GPC1: variants seen among roughly 807,000 people sequenced by gnomAD.
The protein encoded by GPC1 is glypican-1.
In GPC1, 26 loss-of-function variants were observed where a neutral mutation model predicts 51.5. The observed-to-expected ratio is 0.50, with a 90% CI of 0.37 to 0.70. The LOEUF (loss-of-function observed/expected upper bound fraction) is 0.70, where lower values mean the gene tolerates loss of function less well. Among genes scored for constraint, GPC1 ranks in the 30% least tolerant of loss-of-function variants. The probability of loss-of-function intolerance (pLI) is 0.00; values close to 1 mark genes in which losing one functional copy is unlikely to be tolerated. For missense variants in GPC1, 775 were observed against 800.5 expected, an observed-to-expected ratio of 0.97 and a Z score of 0.38; for synonymous variants, 380 against 348.3, an observed-to-expected ratio of 1.09 and a Z score of -1.01.
rs2074195663 is a variant in GPC1, at chr2:240,459,142, C to T, written c.279C>T (p.Ser93=). 1 of 1,612,548 alleles carries T rather than the reference C, an allele frequency of 6.2e-7. No individual in the cohort carries two copies. Among genetic ancestry groups the T allele is most frequent in the Non-Finnish European group, 8.5e-7 (1 of 1,179,836 alleles). The part of the protein sequence containing the change: ...AELETALRDS[S]RVLQAMLATQ... ...TGGAGACCGCGCTCCGGGACAGCAGCCGCGTCCTGCAGGCCATGCTTGCCA... is the reference window on the plus strand; with the variant it reads ...TGGAGACCGCGCTCCGGGACAGCAGTCGCGTCCTGCAGGCCATGCTTGCCA... Residue 93 remains serine (S), a synonymous_variant, in exon 2 of 9, where the codon AGC becomes AGT. Transcript: ENST00000264039.
chr2:240,440,789 GCCTCCCTGCCTCCGGTCTTGC>G (rs2074012502), intron 1 of GPC1, among the ~76,000 whole-genome samples: 4 of 151,828 alleles, frequency 2.6e-5, no homozygotes, highest in African/African-American at 9.7e-5. Flanking sequence ...GCTCCTCCTG[GCCTCCCTGCCTCCGGTCTTGC>G]CCAGCTCCTC....
At chr2:240,442,053 T>C (rs1332577916) in intron 1 of GPC1, among the ~76,000 whole-genome samples, 2 of 152,170 alleles carry the variant, frequency 1.3e-5, no homozygotes, top group African/African-American at 4.8e-5. Flanking sequence ...TCCCCTCTCC[T>C]GCCTGTGGCC....
intron 1 of GPC1, chr2:240,452,894 C>T (rs1345306493): frequency 3.9e-6 from 1 of 253,448 alleles, no homozygotes; most frequent in Non-Finnish European, 7.9e-6. Flanking sequence ...CCGCCCTCGT[C>T]CCCCGCTGGC....
chr2:240,455,844 G>T (rs1205841345), intron 1 of GPC1, among the ~76,000 whole-genome samples: 1 of 152,196 alleles, frequency 6.6e-6, no homozygotes, highest in African/African-American at 2.4e-5. Flanking sequence ...GCCTGCGCCG[G>T]GCCGGAGCTC....
chr2:240,463,202 G>A, intron 3 of GPC1, 145 bp from the exon 4 acceptor site: 1 of 652,088 alleles, frequency 1.5e-6, no homozygotes, highest in Non-Finnish European at 2.6e-6. Flanking sequence ...TGCGAGTCAG[G>A]CAGCGACCAC....
chr2:240,457,909 GC>G (rs1041491786), intron 1 of GPC1: 20 of 309,602 alleles, frequency 6.5e-5, no homozygotes, highest in South Asian at 2.8e-4. Flanking sequence ...TGCTGACAAC[GC>G]CCCCCCTTGA....
intron 1 of GPC1, chr2:240,458,128 G>A: frequency 2.2e-6 from 1 of 459,518 alleles, no homozygotes; most frequent in South Asian, 1.6e-5. Flanking sequence ...GTAAGCCCCG[G>A]TTTTCTGGTT....
At chr2:240,453,659 C>T (rs1346935567) in intron 1 of GPC1, among the ~76,000 whole-genome samples, 2 of 150,080 alleles carry the variant, frequency 1.3e-5, no homozygotes, top group African/African-American at 2.4e-5. Flanking sequence ...CGCCCCCTTC[C>T]CTCCCCGCCG....
chr2:240,455,329 C>G (rs1024319729), intron 1 of GPC1, among the ~76,000 whole-genome samples: 2 of 152,204 alleles, frequency 1.3e-5, no homozygotes, highest in African/African-American at 4.8e-5. Flanking sequence ...GGGTCGGCTA[C>G]AGCAACTTCA....
At position 240,448,691 on chromosome 2, in the gene GPC1, G is replaced by A. The variant is rs968769194; in HGVS notation, c.167-10339G>A. Among the ~76,000 whole-genome samples, 2 of 151,934 alleles carry A rather than the reference G, an allele frequency of 1.3e-5. No homozygotes were observed. The highest frequency in any genetic ancestry group is 2.9e-5 in the Non-Finnish European group (2 of 67,976). ...GGACCACCTGCTCAGAGTCTCCCTG[G>A]GCTGGGAGCCCTGGGCGTTCTCGGT... On this transcript the variant is annotated intron_variant, in intron 1 of 8. Coordinates refer to ENST00000264039, the MANE Select transcript of GPC1 (RefSeq NM_002081.3). The surrounding 1 kb of genome is among the most constrained non-coding windows in gnomAD (Gnocchi z 4.5).
chr2:240,457,574 G>A, intron 1 of GPC1: 1 of 434,110 alleles, frequency 2.3e-6, no homozygotes, highest in South Asian at 1.6e-5. Flanking sequence ...AGCGGGTAGG[G>A]CACTGCCTGC....
chr2:240,465,421 C>A, intron 7 of GPC1, 52 bp from the exon 8 acceptor site: 2 of 1,544,196 alleles, frequency 1.3e-6, no homozygotes. Context: ...CAGGTGATGG[C>A]CCTTTGCAGG....
chr2:240,462,417 G>T lies in GPC1; in HGVS notation c.552G>T (p.Leu184=). ...AGCAGCTGCACCCCCAGCTGCTGCT[G>T]CCTGATGACTACCTGGACTGCCTGG... ...LFKQLHPQLL[L]PDDYLDCLGK... Residue 184 remains leucine (L), a synonymous_variant, in exon 3 of 9, where the codon CTG becomes CTT. Coordinates refer to ENST00000264039, the MANE Select transcript of GPC1 (RefSeq NM_002081.3). 2 of 1,603,990 alleles carry T rather than the reference G, an allele frequency of 1.2e-6. No homozygotes were observed. The highest frequency in any genetic ancestry group is 1.7e-6 in the Non-Finnish European group (2 of 1,175,786).
intron 4 of GPC1, chr2:240,463,940 C>T (rs530227318): frequency 4.3e-6 from 1 of 232,706 alleles, no homozygotes; most frequent in African/African-American, 2.3e-5. Context: ...AGCGTGTGCT[C>T]CTGGGCGCAT....
chr2:240,454,322 GA>G (rs1021051747), intron 1 of GPC1, among the ~76,000 whole-genome samples: 3 of 152,192 alleles, frequency 2.0e-5, no homozygotes, highest in Non-Finnish European at 4.4e-5. Flanking sequence ...TGGTCCCCAG[GA>G]AACCCCCTGG....
intron 1 of GPC1, among the ~76,000 whole-genome samples, chr2:240,455,501 C>T (rs569602215): frequency 2.6e-5 from 4 of 152,276 alleles, no homozygotes; most frequent in Middle Eastern, 3.4e-3. Context: ...GGACTCACCC[C>T]CTAGGTTGGA....
At chr2:240,456,248 C>T (rs1016263043) in intron 1 of GPC1, among the ~76,000 whole-genome samples, 12 of 152,096 alleles carry the variant, frequency 7.9e-5, no homozygotes, top group Non-Finnish European at 1.8e-4. Flanking sequence ...GTGGGGGGAG[C>T]TCCCATATCT....
intron 2 of GPC1, among the ~76,000 whole-genome samples, chr2:240,459,731 T>C (rs1223068545): frequency 6.6e-6 from 1 of 152,152 alleles, no homozygotes; most frequent in Non-Finnish European, 1.5e-5. Flanking sequence ...CCTGCAGGCC[T>C]TGAGGCCCCG....
intron 1 of GPC1, chr2:240,455,919 C>T (rs1196637474): frequency 6.0e-6 from 2 of 333,944 alleles, no homozygotes; most frequent in Non-Finnish European, 1.2e-5. Flanking sequence ...TGCAGCGGGC[C>T]TCAGGGGGCC....
Sources: gnomAD v4.1 joint callset for allele counts (sites outside exome capture counted in the v4.1 genomes callset) on GRCh38, gnomAD v4.1.1 for gene constraint, Gnocchi (gnomAD v3.1) non-coding constraint, MANE v1.5 for transcripts, NCBI Gene and HGNC (gene_info 2026-07-23, HGNC 2026-07-21) for gene names.